ANXA10: variants seen among roughly 807,000 people sequenced by gnomAD.
ANXA10 encodes annexin 14.
In ANXA10, 49 loss-of-function variants were observed where a neutral mutation model predicts 53.5. That is an observed-to-expected ratio of 0.92 (90% CI 0.73 to 1.16). The LOEUF is 1.16. ANXA10 is among the 50% of genes most tolerant of loss of function. ANXA10 has a pLI of 0.00. For missense variants in ANXA10, 393 were observed against 394.4 expected (o/e 1.00, Z 0.03); for synonymous variants, 131 against 128.9 (o/e 1.02, Z -0.11).
At chr4:168,148,536 A>G (rs1289404479) in intron 3 of ANXA10, among the ~76,000 whole-genome samples, 1 of 152,202 alleles carries the variant, frequency 6.6e-6, no homozygotes, top group Non-Finnish European at 1.5e-5. Flanking sequence ...GTTCACAATA[A>G]CATCTCTTAC....
rs79325590 is a variant in ANXA10, at chr4:168,157,629, C to T, written c.196-4899C>T. 8.8e-3 allele frequency among the ~76,000 whole-genome samples: 1,338 copies of T among 152,264 alleles called. 14 individuals carry two copies. Among genetic ancestry groups the T allele is most frequent in the African/African-American group, 0.031 (1,277 of 41,546 alleles). ...TCCTTTGCAGCCCATCTCCTGACAT[C>T]CTCCTGCTGAAAGAAACCACTGATC... is the stretch of plus-strand genomic sequence containing the variant. On this transcript the variant is annotated intron_variant, in intron 3 of 11. Coordinates refer to ENST00000359299, the MANE Select transcript of ANXA10 (RefSeq NM_007193.5).
At chr4:168,173,780 C>T (rs971483737) in intron 6 of ANXA10, among the ~76,000 whole-genome samples, 1 of 152,200 alleles carries the variant, frequency 6.6e-6, no homozygotes, top group African/African-American at 2.4e-5. Context: ...ATGTGAGGTG[C>T]TTTCCTCTGG....
chr4:168,179,375 C>T, intron 9 of ANXA10, 63 bp downstream of exon 9: 1 of 1,145,246 alleles, frequency 8.7e-7, no homozygotes, highest in Non-Finnish European at 1.3e-6. Flanking sequence ...CTGAGTGGCT[C>T]TGATTGAACT....
In ANXA10 at chr4:168,165,243, A is replaced by C; in HGVS notation, c.401-4A>C. The C allele has an allele frequency of 6.5e-7, 1 of 1,543,930 alleles. No individual in the cohort carries two copies. The highest frequency in any genetic ancestry group is 1.4e-5 in the African/African-American group (1 of 72,982). On this transcript the variant is annotated splice_region_variant and splice_polypyrimidine_tract_variant and intron_variant, in intron 5 of 11. Coordinates refer to ENST00000359299, the MANE Select transcript of ANXA10 (RefSeq NM_007193.5). ...TCATACCTTTAACATGTTTTCTTAT[A>C]CAGAATACAGCAATAACCTCCAAGA...
At chr4:168,180,457 G>A (rs1732218689) in intron 9 of ANXA10, among the ~76,000 whole-genome samples, 1 of 152,158 alleles carries the variant, frequency 6.6e-6, no homozygotes. Flanking sequence ...GAGAGGAAGT[G>A]GTGGACATTA....
chr4:168,144,247 C>T (rs1047613619), intron 3 of ANXA10, among the ~76,000 whole-genome samples: 1 of 152,120 alleles, frequency 6.6e-6, no homozygotes, highest in Non-Finnish European at 1.5e-5. Flanking sequence ...AGTGCACTGC[C>T]GCGCTCTCAG....
chr4:168,139,629 T>C, intron 3 of ANXA10, 49 bp downstream of exon 3: 2 of 1,409,384 alleles, frequency 1.4e-6, no homozygotes, highest in African/African-American at 1.4e-5. Flanking sequence ...TCTTGAGAAC[T>C]AACCACACTC....
At chr4:168,127,248 C>T (rs762291888) in intron 1 of ANXA10, among the ~76,000 whole-genome samples, 1 of 152,098 alleles carries the variant, frequency 6.6e-6, no homozygotes, top group Admixed American at 6.6e-5. Context: ...AAATGTTCTA[C>T]CATTTTATAA....
intron 3 of ANXA10, among the ~76,000 whole-genome samples, chr4:168,153,442 C>CAAAAAAAAAAAAAAAAAAAAAAA (rs1560782282): frequency 2.3e-5 from 1 of 42,934 alleles, no homozygotes; most frequent in Non-Finnish European, 4.8e-5. Flanking sequence ...AAAAAAAAAA[C>CAAAAAAAAAAAAAAAAAAAAAAA]AAAAACAAAA....
chr4:168,142,995 T>C (rs907451716), intron 3 of ANXA10, among the ~76,000 whole-genome samples: 1 of 152,224 alleles, frequency 6.6e-6, no homozygotes, highest in Non-Finnish European at 1.5e-5. Flanking sequence ...AGGCATTTCA[T>C]TTACAGAATC....
chr4:168,123,369 T>C (rs555167105), intron 1 of ANXA10, among the ~76,000 whole-genome samples: 1 of 152,242 alleles, frequency 6.6e-6, no homozygotes, highest in African/African-American at 2.4e-5. Context: ...CAGTTCCAAA[T>C]ATATCATGGA....
intron 1 of ANXA10, among the ~76,000 whole-genome samples, chr4:168,116,424 T>C (rs1730895186): frequency 6.6e-6 from 1 of 152,182 alleles, no homozygotes. Flanking sequence ...AGTATTCCTC[T>C]GAGCCAATTT....
In ANXA10 at chr4:168,115,497, G is replaced by GCGCACA. The variant is rs1245136318; in HGVS notation, c.19-12586_19-12585insGCACAC. Among the ~76,000 whole-genome samples, 1,301 of 136,514 alleles carry GCGCACA rather than the reference G, an allele frequency of 9.5e-3. 9 individuals carry two copies. Among genetic ancestry groups the GCGCACA allele is most frequent in the Non-Finnish European group, 0.014 (868 of 62,006 alleles). The allele number at this position is 136,514 out of a possible 152,430, so 89.6% of individuals were successfully genotyped here. Reference sequence around the variant, plus strand: ...TTCCATCCCTCCCTACAATACACACGCACACACACACACACACACACACAC... The same window carrying GCGCACA: ...TTCCATCCCTCCCTACAATACACACGCGCACACACACACACACACACACACACACAC... On this transcript the variant is annotated intron_variant, in intron 1 of 11. Transcript: ENST00000359299.
intron 1 of ANXA10, among the ~76,000 whole-genome samples, chr4:168,111,645 T>A (rs1730808360): frequency 6.6e-6 from 1 of 152,232 alleles, no homozygotes; most frequent in Non-Finnish European, 1.5e-5. Flanking sequence ...CCTTGCCTGA[T>A]ACACTCGTGT....
intron 1 of ANXA10, among the ~76,000 whole-genome samples, chr4:168,126,234 A>G (rs1731066076): frequency 6.6e-6 from 1 of 152,186 alleles, no homozygotes; most frequent in Non-Finnish European, 1.5e-5. Context: ...TGCCATTATT[A>G]GGTTAAGTTA....
chr4:168,121,565 G>T (rs1730985501), intron 1 of ANXA10, among the ~76,000 whole-genome samples: 2 of 151,966 alleles, frequency 1.3e-5, no homozygotes, highest in Non-Finnish European at 2.9e-5. Flanking sequence ...TAATATCAAA[G>T]TTAATCTCAA....
At chr4:168,119,480 T>C (rs1318026844) in intron 1 of ANXA10, among the ~76,000 whole-genome samples, 15 of 152,198 alleles carry the variant, frequency 9.9e-5, no homozygotes, top group African/African-American at 3.1e-4. Context: ...AATTGAGTTC[T>C]GAGTTCTTCC....
chr4:168,115,021 G>C (rs1730869641), intron 1 of ANXA10, among the ~76,000 whole-genome samples: 2 of 152,016 alleles, frequency 1.3e-5, no homozygotes. Context: ...CAAGTAGCTG[G>C]GACCACAAGC....
chr4:168,169,128 G>A (rs978726), intron 6 of ANXA10, among the ~76,000 whole-genome samples: 94,555 of 151,952 alleles, frequency 0.62, 30,169 homozygotes, highest in African/African-American at 0.76. Context: ...CAGAAGTTGA[G>A]GTCATTTGCA....
Sources: allele counts gnomAD v4.1 joint callset (sites outside exome capture counted in the v4.1 genomes callset), GRCh38; gene constraint gnomAD v4.1.1; transcripts MANE v1.5; gene names NCBI Gene and HGNC (gene_info 2026-07-23, HGNC 2026-07-21).